The following NEIL3 variants were observed in gnomAD, a reference collection of about 807,000 sequenced individuals.
The protein encoded by NEIL3 is nei like DNA glycosylase 3, also known as endonuclease 8-like 3.
NEIL3 carries 48 observed loss-of-function variants against 57.5 expected under a neutral mutation model. The observed-to-expected ratio is 0.83, with a 90% CI of 0.66 to 1.06. NEIL3 has a LOEUF of 1.06. NEIL3 is among the 50% of genes least tolerant of loss of function. NEIL3 has a pLI of 0.00. For missense variants in NEIL3, 717 were observed against 739.1 expected (o/e 0.97, Z 0.35); for synonymous variants, 261 against 253.2 (o/e 1.03, Z -0.29).
chr4:177,310,537 A>G (rs1050542490), intron 1 of NEIL3, among the ~76,000 whole-genome samples: 10 of 152,218 alleles, frequency 6.6e-5, no homozygotes, highest in Non-Finnish European at 1.2e-4. Flanking sequence ...CTAATCTGCA[A>G]TTGGTAAGTA....
intron 8 of NEIL3, among the ~76,000 whole-genome samples, chr4:177,358,796 T>G (rs1292274704): frequency 1.3e-5 from 2 of 152,204 alleles, no homozygotes; most frequent in Non-Finnish European, 2.9e-5. Flanking sequence ...TGGAGCTCTC[T>G]AGGTTGAAAC....
At chr4:177,336,374 G>A in intron 4 of NEIL3, 53 bp downstream of exon 4, 1 of 1,390,622 alleles carries the variant, frequency 7.2e-7, no homozygotes, top group Non-Finnish European at 1.0e-6. Context: ...TACTGTGAAG[G>A]AACCAACGTG....
chr4:177,328,347 C>T (rs529739614), intron 2 of NEIL3, among the ~76,000 whole-genome samples: 2 of 152,208 alleles, frequency 1.3e-5, no homozygotes, highest in African/African-American at 4.8e-5. Flanking sequence ...AACCACAGAT[C>T]CAAGAAGCTA....
chr4:177,336,044 A>G, intron 3 of NEIL3, 64 bp from the exon 4 acceptor site: 1 of 1,383,042 alleles, frequency 7.2e-7, no homozygotes, highest in South Asian at 1.3e-5. Context: ...AGCTCATTTT[A>G]AAAGACACTT....
intron 2 of NEIL3, 30 bp from the exon 3 acceptor site, chr4:177,335,658 C>T: frequency 6.3e-7 from 1 of 1,599,916 alleles, no homozygotes; most frequent in Non-Finnish European, 8.5e-7. Context: ...ATACTTTCTG[C>T]CACTCAAAAA....
chr4:177,370,465 G>A, the NEIL3 span, among the ~76,000 whole-genome samples: 3 of 152,168 alleles, frequency 2.0e-5, no homozygotes, highest in African/African-American at 7.2e-5. Context: ...ATCTATTCGA[G>A]AAGGGGTAAA....
At chr4:177,315,068 CAA>C (rs61100906) in intron 1 of NEIL3, among the ~76,000 whole-genome samples, 22,438 of 105,844 alleles carry the variant, frequency 0.21, 1,393 homozygotes, top group Non-Finnish European at 0.27. Flanking sequence ...GACTCCGTCT[CAA>C]AAAAAAAAAA....
At position 177,321,608 on chromosome 4, in the gene NEIL3, T is replaced by C. The variant is rs77777945; in HGVS notation, c.157-851T>C. On this transcript the variant is annotated intron_variant, in intron 1 of 9. Transcript: ENST00000264596. ...TTTTGTTTTCTGTTTAATTCATGTT[T>C]ATAATTTCCTCGAATATCTTATAGG... Among the ~76,000 whole-genome samples, 308 of 152,342 alleles carry C rather than the reference T, an allele frequency of 2.0e-3. 2 individuals are homozygous for C. Among genetic ancestry groups the C allele is most frequent in the Non-Finnish European group, 3.8e-3 (257 of 68,022 alleles).
rs1343950005 is a variant in NEIL3, at chr4:177,362,447, A to T, written c.1794A>T (p.Gly598=). The T allele has an allele frequency of 6.2e-7, 1 of 1,612,908 alleles. No homozygotes were observed. The highest frequency in any genetic ancestry group is 8.5e-7 in the Non-Finnish European group (1 of 1,179,446). The change falls in exon 10 of 10, where the codon GGA becomes GGT. Residue 598 remains glycine, a synonymous_variant. Transcript: ENST00000264596. Reference sequence around the variant, plus strand: ...TCCAGTGGGCAGAAAATGGGCCAGGAATAAAAATTATTCCTGGATGCTAAT... The same window carrying T: ...TCCAGTGGGCAGAAAATGGGCCAGGTATAAAAATTATTCCTGGATGCTAAT... The part of the protein sequence containing the change: ...NFFQWAENGP[G]IKIIPGC
chr4:177,351,684 C>T, intron 7 of NEIL3, 135 bp downstream of exon 7: 1 of 709,036 alleles, frequency 1.4e-6, no homozygotes, highest in Non-Finnish European at 2.4e-6. Flanking sequence ...AAAGGAATTG[C>T]CAGTTTTCAC....
intron 1 of NEIL3, among the ~76,000 whole-genome samples, chr4:177,313,356 A>G (rs1386069075): frequency 6.6e-6 from 1 of 152,190 alleles, no homozygotes; most frequent in Non-Finnish European, 1.5e-5. Flanking sequence ...GCCTGTGACA[A>G]CTGATCCTCA....
chr4:177,335,953 T>G, intron 3 of NEIL3, 131 bp downstream of exon 3: 3 of 1,053,434 alleles, frequency 2.8e-6, no homozygotes, highest in Non-Finnish European at 2.7e-6. Flanking sequence ...AAAGAAGCCT[T>G]CAGATAATAT....
At position 177,309,891 on chromosome 4, in the gene NEIL3, GAGTTGCACAGCGGT is replaced by G; in HGVS notation, c.-61_-48del. 6.5e-7 allele frequency: 1 copy of G among 1,550,058 alleles called. No individual in the cohort carries two copies. The highest frequency in any genetic ancestry group is 8.7e-7 in the Non-Finnish European group (1 of 1,151,900). ...GTGCGGTCAGTGCCCGCGCAGCGTTGAGTTGCACAGCGGTATTCTCACCAGGCCCTGCAATCGGT... is the reference window on the plus strand; with the variant it reads ...GTGCGGTCAGTGCCCGCGCAGCGTTGATTCTCACCAGGCCCTGCAATCGGT... On this transcript the variant is annotated 5_prime_UTR_variant, in exon 1 of 10. Transcript: ENST00000264596.
In NEIL3 at chr4:177,353,680, A is replaced by G. The variant is rs753491447; in HGVS notation, c.1412A>G (p.Gln471Arg). Reference protein sequence around the residue: ...SPAHKKPKTAQYSSPELKSCN... With the variant: ...SPAHKKPKTARYSSPELKSCN... Reference sequence around the variant, plus strand: ...GCACATAAAAAACCGAAAACAGCCCAATACTCATCACCAGAGCTTAAAAGC... The same window carrying G: ...GCACATAAAAAACCGAAAACAGCCCGATACTCATCACCAGAGCTTAAAAGC... The change falls in exon 8 of 10, where the codon CAA (glutamine) becomes CGA (arginine). Residue 471 changes from glutamine (Q) to arginine (R), a missense_variant. Coordinates refer to ENST00000264596, the MANE Select transcript of NEIL3 (RefSeq NM_018248.3). 8.1e-5 allele frequency: 130 copies of G among 1,613,528 alleles called. 1 individual carries two copies. The highest frequency in any genetic ancestry group is 1.1e-4 in the Non-Finnish European group (127 of 1,179,792).
intron 2 of NEIL3, among the ~76,000 whole-genome samples, chr4:177,330,474 G>A (rs563918455): frequency 2.0e-5 from 3 of 151,832 alleles, no homozygotes; most frequent in African/African-American, 4.8e-5. Context: ...ACAGAAGGAC[G>A]GAAATAATGA....
At position 177,324,816 on chromosome 4, in the gene NEIL3, G is replaced by A. The variant is rs112095420; in HGVS notation, c.278+2236G>A. On this transcript the variant is annotated intron_variant, in intron 2 of 9. Transcript: ENST00000264596. ...GGTGTAATCTTTATTAACTTTGGAT[G>A]CATACAATGCCACATTGCCAGTATA... 8.0e-3 allele frequency among the ~76,000 whole-genome samples: 1,222 copies of A among 152,218 alleles called. 12 individuals are homozygous for A. Among genetic ancestry groups the A allele is most frequent in the African/African-American group, 0.028 (1,160 of 41,534 alleles).
intron 8 of NEIL3, among the ~76,000 whole-genome samples, chr4:177,358,014 A>C (rs559738413): frequency 1.2e-4 from 19 of 152,208 alleles, no homozygotes; most frequent in Non-Finnish European, 2.5e-4. Flanking sequence ...ATTATCCTGG[A>C]TAATGTTGTC....
At chr4:177,311,371 G>T (rs899351205) in intron 1 of NEIL3, among the ~76,000 whole-genome samples, 1 of 152,042 alleles carries the variant, frequency 6.6e-6, no homozygotes, top group African/African-American at 2.4e-5. Context: ...GCTTCCCCAG[G>T]GAAGTAGCAA....
chr4:177,354,885 T>G (rs1735442251), intron 8 of NEIL3, among the ~76,000 whole-genome samples: 1 of 152,226 alleles, frequency 6.6e-6, no homozygotes, highest in African/African-American at 2.4e-5. Flanking sequence ...AGATATATTT[T>G]ATAGGACTTC....
Sources: allele counts gnomAD v4.1 joint callset (sites outside exome capture counted in the v4.1 genomes callset), GRCh38; gene constraint gnomAD v4.1.1; transcripts MANE v1.5; gene names NCBI Gene and HGNC (gene_info 2026-07-23, HGNC 2026-07-21).